Variants in MYBPC3 observed in about 807,000 individuals in gnomAD.
The protein encoded by MYBPC3 is myosin-binding protein C, cardiac-type.
Under a neutral mutation model 159.3 loss-of-function variants are expected in MYBPC3, and 108 were observed. The observed-to-expected ratio is 0.68, with a 90% CI of 0.58 to 0.80. The LOEUF (loss-of-function observed/expected upper bound fraction) is 0.80, where lower values mean the gene tolerates loss of function less well. MYBPC3 is among the 30% of genes least tolerant of loss of function. MYBPC3 has a pLI of 0.00. For missense variants in MYBPC3, 1,631 were observed against 1,762.1 expected, an observed-to-expected ratio of 0.93 and a Z score of 1.33; for synonymous variants, 730 against 702.0, an observed-to-expected ratio of 1.04 and a Z score of -0.63.
chr11:47,347,773 C>T, intron 7 of MYBPC3, 84 bp downstream of exon 7: 1 of 1,546,836 alleles, frequency 6.5e-7, no homozygotes. Flanking sequence ...GCAAATCATC[C>T]CCAGCCCTGA....
chr11:47,343,882 A>G (rs1243299710), intron 12 of MYBPC3, among the ~76,000 whole-genome samples: 1 of 152,302 alleles, frequency 6.6e-6, no homozygotes, highest in Admixed American at 6.5e-5. Context: ...TCTGCCTCCC[A>G]GGTTCAAGTG....
At position 47,338,706 on chromosome 11, in the gene MYBPC3, A is replaced by G. The variant is rs1244580534; in HGVS notation, c.2149-27T>C. The G allele has an allele frequency of 2.5e-6, 4 of 1,589,008 alleles. No homozygotes were observed. The highest frequency in any genetic ancestry group is 3.4e-6 in the Non-Finnish European group (4 of 1,167,118). ...TGGGGGGGTGCAGAGTTGGGGTGAG[A>G]TCCAAGTCAGACCCCAGAGGCCCTT... On this transcript the variant is annotated intron_variant, in intron 22 of 34. Coordinates refer to ENST00000545968, the MANE Select transcript of MYBPC3 (RefSeq NM_000256.3). This position sits in a 1 kb window ranked among gnomAD's most constrained non-coding sequence, Gnocchi z 4.7.
rs939197674 is a variant in MYBPC3 at position 47,332,418 on chromosome 11, A to G, written c.3627+148T>C. 2.8e-6 allele frequency: 4 copies of G among 1,411,030 alleles called. No homozygotes were observed. Among genetic ancestry groups the G allele is most frequent in the African/African-American group, 2.9e-5 (2 of 70,048 alleles). The allele number at this position is 1,411,030 out of a possible 1,614,324, so 87.4% of individuals were successfully genotyped here. On this transcript the variant is annotated intron_variant, in intron 32 of 34. Coordinates refer to ENST00000545968, the MANE Select transcript of MYBPC3 (RefSeq NM_000256.3). The surrounding 1 kb of genome is among the most constrained non-coding windows in gnomAD (Gnocchi z 4.2). The stretch of plus-strand genomic sequence containing the variant: ...AAACATGGAACCAAGAGTGAGTACC[A>G]TGGCCCTGCCCAGGGGGAGGAACCC...
At chr11:47,337,243 G>C in intron 25 of MYBPC3, 148 bp downstream of exon 25, 2 of 846,494 alleles carry the variant, frequency 2.4e-6, no homozygotes, top group Non-Finnish European at 3.5e-6. Context: ...TTCCTCATCT[G>C]TAAAATGCGG....
chr11:47,342,911 G>A lies in MYBPC3; in HGVS notation c.1376C>T (p.Pro459Leu). The A allele has an allele frequency of 6.2e-7, 1 of 1,612,386 alleles. No homozygotes were observed. The highest frequency in any genetic ancestry group is 8.5e-7 in the Non-Finnish European group (1 of 1,179,154). Residue 459 changes from proline to leucine, a missense_variant, in exon 16 of 35, where the codon CCC (proline) becomes CTC (leucine). Transcript: ENST00000545968. ...CACCATCACCAGCTGGTCCTCCAAG[G>A]GGCGCGTGATGAGCACAGGGGGCTC... ...VKEPPVLITR[P>L]LEDQLVMVGQ...
Position 47,347,699 on chromosome 11 carries a change from G to C in MYBPC3, c.822-19C>G. ...CAGGCTCCTGTGGGGGTTAGACTCA[G>C]TATCCTCACCTGCCTGGGAAGCTTG... On this transcript the variant is annotated intron_variant, in intron 7 of 34. Coordinates refer to ENST00000545968, the MANE Select transcript of MYBPC3 (RefSeq NM_000256.3). The C allele has an allele frequency of 1.3e-6, 2 of 1,565,906 alleles. No individual in the cohort carries two copies. Among genetic ancestry groups the C allele is most frequent in the Middle Eastern group, 1.9e-4 (1 of 5,358 alleles).
rs1423275259 is a variant in MYBPC3 at position 47,350,176 on chromosome 11, T to G, written c.407-64A>C. Reference sequence around the variant, plus strand: ...TCTTGCTCTGTCACCCAGGCTGGAGTGCAGAGGCACAATCTCGGCTCACTG... The same window carrying G: ...TCTTGCTCTGTCACCCAGGCTGGAGGGCAGAGGCACAATCTCGGCTCACTG... On this transcript the variant is annotated intron_variant, in intron 3 of 34. Transcript: ENST00000545968. The G allele has an allele frequency of 3.4e-5, 51 of 1,485,442 alleles. No homozygotes were observed. The South Asian group carries it at 5.7e-4, about 17-fold the overall frequency. 92.0% of individuals were successfully genotyped at this position (1,485,442 alleles called of 1,614,324 possible).
rs376083315 is a variant in MYBPC3 at position 47,333,757 on chromosome 11, G to C, written c.2995-5C>G. On this transcript the variant is annotated splice_region_variant and splice_polypyrimidine_tract_variant and intron_variant, in intron 28 of 34. Transcript: ENST00000545968. Reference sequence around the variant, plus strand: ...CACCTGAGGCCGGGGCTTGCCCTGAGGGGAGGAAAAGCTTAACCCTGAACC... The same window carrying C: ...CACCTGAGGCCGGGGCTTGCCCTGACGGGAGGAAAAGCTTAACCCTGAACC... 13 of 1,588,642 alleles carry C rather than the reference G, an allele frequency of 8.2e-6. No individual in the cohort carries two copies. In the East Asian group the frequency reaches 2.2e-4, roughly 27 times the overall value.
rs746217139 is a variant in MYBPC3, at chr11:47,332,718, C to T, written c.3491-16G>A. ...TAGGTGATGCCTGTTGGTGACAGGA[C>T]TTGGTACCGAGAGGGCCACACAAAG... On this transcript the variant is annotated splice_polypyrimidine_tract_variant and intron_variant, in intron 31 of 34. Transcript: ENST00000545968. This position sits in a 1 kb window ranked among gnomAD's most constrained non-coding sequence, Gnocchi z 4.2. 3 of 1,599,876 alleles carry T rather than the reference C, an allele frequency of 1.9e-6. No homozygotes were observed. Among genetic ancestry groups the T allele is most frequent in the Non-Finnish European group, 2.6e-6 (3 of 1,172,872 alleles).
intron 26 of MYBPC3, chr11:47,335,516 G>T: frequency 3.5e-6 from 1 of 281,884 alleles, no homozygotes; most frequent in South Asian, 8.2e-5. Context: ...TAGTAGAGAC[G>T]GGGTTTCTCC....
chr11:47,341,910 T>C, intron 18 of MYBPC3, 81 bp downstream of exon 18: 1 of 1,515,026 alleles, frequency 6.6e-7, no homozygotes, highest in South Asian at 1.3e-5. Flanking sequence ...TCTTTATCTC[T>C]CTCTCTCTGT....
At position 47,332,727 on chromosome 11, in the gene MYBPC3, G is replaced by T; in HGVS notation, c.3491-25C>A. On this transcript the variant is annotated intron_variant, in intron 31 of 34. Transcript: ENST00000545968. This position sits in a 1 kb window ranked among gnomAD's most constrained non-coding sequence, Gnocchi z 4.2. Reference sequence around the variant, plus strand: ...CCTGTTGGTGACAGGACTTGGTACCGAGAGGGCCACACAAAGCTAGGCCCC... The same window carrying T: ...CCTGTTGGTGACAGGACTTGGTACCTAGAGGGCCACACAAAGCTAGGCCCC... 6.3e-7 allele frequency: 1 copy of T among 1,594,310 alleles called. No individual in the cohort carries two copies. Among genetic ancestry groups the T allele is most frequent in the Non-Finnish European group, 8.5e-7 (1 of 1,169,868 alleles).
In MYBPC3 at chr11:47,339,684, A is replaced by G. The variant is rs757832991; in HGVS notation, c.2034T>C (p.Ala678=). ...RLDVPISGDP[A]PTVIWQKAIT... ...TAGCCTTCTGCCAGATCACAGTGGG[A>G]GCAGGGTCCCCAGAGATAGGGACGT... The change falls in exon 21 of 35, where the codon GCT becomes GCC. Residue 678 remains alanine (A), a synonymous_variant. Transcript: ENST00000545968. 44 of 1,611,974 alleles carry G rather than the reference A, an allele frequency of 2.7e-5. No homozygotes were observed. The highest frequency in any genetic ancestry group is 3.4e-5 in the Non-Finnish European group (40 of 1,178,806).
intron 28 of MYBPC3, 62 bp downstream of exon 28, chr11:47,333,860 G>T: frequency 6.4e-7 from 1 of 1,551,124 alleles, no homozygotes; most frequent in South Asian, 1.2e-5. Flanking sequence ...TCAGTCCACT[G>T]GATGGGAACA....
rs2095877406 is a variant in MYBPC3, at chr11:47,332,014, G to T, written c.3814+58C>A. 2 of 1,598,248 alleles carry T rather than the reference G, an allele frequency of 1.3e-6. No individual in the cohort carries two copies. Among genetic ancestry groups the T allele is most frequent in the Non-Finnish European group, 1.7e-6 (2 of 1,171,734 alleles). On this transcript the variant is annotated intron_variant, in intron 33 of 34. Coordinates refer to ENST00000545968, the MANE Select transcript of MYBPC3 (RefSeq NM_000256.3). This position sits in a 1 kb window ranked among gnomAD's most constrained non-coding sequence, Gnocchi z 4.2. ...CGAGGACAACGGAGCAAAGCCCAGG[G>T]TCCCCACTGCCGCCCGCTCTTCCCA...
intron 22 of MYBPC3, 60 bp downstream of exon 22, chr11:47,339,264 C>T: frequency 6.3e-7 from 1 of 1,577,958 alleles, no homozygotes; most frequent in East Asian, 2.2e-5. Context: ...GGCTCGGCAC[C>T]ACGTAGGTAG....
chr11:47,338,048 G>A lies in MYBPC3; in HGVS notation c.2309-254C>T, dbSNP rs906251382. Among the ~76,000 whole-genome samples the A allele has an allele frequency of 3.4e-5, 5 of 145,822 alleles. No individual in the cohort carries two copies. The highest frequency in any genetic ancestry group is 1.0e-4 in the African/African-American group (4 of 39,010). ...TTTCTGATCATGTCGCCAGCCCTCC[G>A]TCAACCCTTTAAGGCTTCTCACTGC... On this transcript the variant is annotated intron_variant, in intron 23 of 34. Coordinates refer to ENST00000545968, the MANE Select transcript of MYBPC3 (RefSeq NM_000256.3). The surrounding 1 kb of genome is among the most constrained non-coding windows in gnomAD (Gnocchi z 4.7).
At chr11:47,339,889 G>GT (rs2095886658) in intron 20 of MYBPC3, 99 bp from the exon 21 acceptor site, 1 of 1,357,792 alleles carries the variant, frequency 7.4e-7, no homozygotes, top group Non-Finnish European at 1.0e-6. Flanking sequence ...CTGGTTATTG[G>GT]TTTTTTAGAT....
chr11:47,343,034 C>T lies in MYBPC3; in HGVS notation c.1338G>A (p.Glu446=), dbSNP rs757182984. 1.9e-6 allele frequency: 3 copies of T among 1,613,188 alleles called. No individual in the cohort carries two copies. Among genetic ancestry groups the T allele is most frequent in the Admixed American group, 1.7e-5 (1 of 59,912 alleles). The change falls in exon 15 of 35, where the codon GAG becomes GAA. Residue 446 remains glutamate, a synonymous_variant. Coordinates refer to ENST00000545968, the MANE Select transcript of MYBPC3 (RefSeq NM_000256.3). ...CVVGGEKCST[E]LFVKEPPVLI... ...TCCCAGGCCCACCTTTCACAAAGAG[C>T]TCCGTGCTACACTTCTCGCCACCCA...
Sources: allele counts gnomAD v4.1 joint callset (sites outside exome capture counted in the v4.1 genomes callset), GRCh38; gene constraint gnomAD v4.1.1; non-coding constraint Gnocchi (gnomAD v3.1); transcripts MANE v1.5; gene names NCBI Gene and HGNC (gene_info 2026-07-23, HGNC 2026-07-21).